Variants in CSRNP3 observed in about 807,000 individuals in gnomAD.
CSRNP3 encodes the protein cysteine/serine-rich nuclear protein 3.
Under a neutral mutation model 48.0 loss-of-function variants are expected in CSRNP3, and 12 were observed. The observed-to-expected ratio is 0.25, with a 90% confidence interval of 0.16 to 0.41. The LOEUF (loss-of-function observed/expected upper bound fraction) is 0.41, where lower values mean the gene tolerates loss of function less well. Ranked by LOEUF, CSRNP3 falls within the 10% of genes least tolerant of loss-of-function variation. The pLI is 1.00. For missense variants in CSRNP3, 580 were observed against 724.4 expected (o/e 0.80, Z 2.29); for synonymous variants, 263 against 269.7 (o/e 0.98, Z 0.24).
At chr2:165,663,077 T>C (rs1489917939) in intron 5 of CSRNP3, among the ~76,000 whole-genome samples, 1 of 152,194 alleles carries the variant, frequency 6.6e-6, no homozygotes, top group East Asian at 1.9e-4. Flanking sequence ...TGCAATATTA[T>C]AATTCTCCAC....
chr2:165,543,995 T>C (rs1444834902), intron 3 of CSRNP3, among the ~76,000 whole-genome samples: 1 of 146,292 alleles, frequency 6.8e-6, no homozygotes, highest in Non-Finnish European at 1.5e-5. Context: ...TGTTTGTATA[T>C]TTTATATATA....
chr2:165,533,076 C>G (rs1238572810), intron 3 of CSRNP3, among the ~76,000 whole-genome samples: 8 of 152,030 alleles, frequency 5.3e-5, no homozygotes, highest in Non-Finnish European at 1.0e-4. Flanking sequence ...TAAATGTGAA[C>G]ATTTCAGAAA....
chr2:165,641,997 T>C (rs180882283), intron 4 of CSRNP3, among the ~76,000 whole-genome samples: 3 of 152,244 alleles, frequency 2.0e-5, no homozygotes, highest in African/African-American at 7.2e-5. Context: ...AGAATATTTC[T>C]TGTAACAAAT....
At chr2:165,652,468 T>C (rs943587382) in intron 4 of CSRNP3, among the ~76,000 whole-genome samples, 4 of 149,234 alleles carry the variant, frequency 2.7e-5, no homozygotes, top group Non-Finnish European at 4.4e-5. Flanking sequence ...CACTGCACTC[T>C]AGCCTGGTAA....
At chr2:165,666,005 G>C (rs1187657757) in intron 5 of CSRNP3, among the ~76,000 whole-genome samples, 1 of 141,332 alleles carries the variant, frequency 7.1e-6, no homozygotes, top group African/African-American at 2.6e-5. Context: ...AGGAAGGATA[G>C]AGAGGAAGAA....
chr2:165,635,504 G>A (rs1014247770), intron 4 of CSRNP3, among the ~76,000 whole-genome samples: 3 of 152,180 alleles, frequency 2.0e-5, no homozygotes, highest in East Asian at 3.9e-4. Flanking sequence ...AGAGGTTAGC[G>A]TTTGGAGAGG....
intron 2 of CSRNP3, among the ~76,000 whole-genome samples, chr2:165,499,180 G>T (rs1328293808): frequency 6.6e-6 from 1 of 152,062 alleles, no homozygotes; most frequent in Non-Finnish European, 1.5e-5. Context: ...CATCTTCAAA[G>T]TACCATCATC....
At chr2:165,555,191 C>T (rs985492578) in intron 3 of CSRNP3, among the ~76,000 whole-genome samples, 1 of 152,112 alleles carries the variant, frequency 6.6e-6, no homozygotes, top group African/African-American at 2.4e-5. Flanking sequence ...GCACTTACCA[C>T]TATCTGATAT....
At chr2:165,574,161 C>T (rs1397288000) in intron 3 of CSRNP3, 2 of 496,016 alleles carry the variant, frequency 4.0e-6, no homozygotes, top group East Asian at 6.5e-5. Flanking sequence ...TCCACAATTC[C>T]TTACCCAGCA....
chr2:165,554,404 G>A (rs1057002071), intron 3 of CSRNP3, among the ~76,000 whole-genome samples: 4 of 152,086 alleles, frequency 2.6e-5, no homozygotes, highest in Admixed American at 6.6e-5. Context: ...TAGAGAGATA[G>A]ATAGAACTAC....
At chr2:165,666,389 GA>G (rs1218507673) in intron 5 of CSRNP3, among the ~76,000 whole-genome samples, 10 of 109,230 alleles carry the variant, frequency 9.2e-5, no homozygotes, top group Admixed American at 7.4e-4. Context: ...AAGAGAGAGA[GA>G]GAAAGGAAGG....
rs1477215044 is a variant in CSRNP3 at position 165,685,103 on chromosome 2, TTAAAA to T, written c.*5354_*5358del. On this transcript the variant is annotated 3_prime_UTR_variant, in exon 7 of 7. Transcript: ENST00000651982. The stretch of plus-strand genomic sequence containing the variant: ...TTAAAAAATTTAAACACATTTTATA[TTAAAA>T]TAAGTGATCAATGACTTTCATGATT... The T allele has an allele frequency of 9.2e-5, 14 of 152,094 alleles. No individual in the cohort carries two copies. Among genetic ancestry groups the T allele is most frequent in the African/African-American group, 3.1e-4 (13 of 41,420 alleles). 9.4% of individuals were successfully genotyped at this position (152,094 alleles called of 1,614,324 possible).
At chr2:165,613,957 G>A (rs1686183109) in intron 4 of CSRNP3, among the ~76,000 whole-genome samples, 1 of 151,848 alleles carries the variant, frequency 6.6e-6, no homozygotes, top group Admixed American at 6.6e-5. Flanking sequence ...GTGTTTGATA[G>A]AGATTGCGTA....
chr2:165,588,270 T>C (rs770022392), intron 3 of CSRNP3, among the ~76,000 whole-genome samples: 7 of 152,182 alleles, frequency 4.6e-5, no homozygotes, highest in African/African-American at 9.7e-5. Flanking sequence ...CAAATGAGGA[T>C]GAAGAGGTTA....
intron 2 of CSRNP3, among the ~76,000 whole-genome samples, chr2:165,512,962 G>A (rs999373559): frequency 2.0e-5 from 3 of 152,016 alleles, no homozygotes; most frequent in South Asian, 2.1e-4. Flanking sequence ...AATATTAGCC[G>A]GGCGTGGTGG....
At chr2:165,604,079 T>C (rs1551337) in intron 4 of CSRNP3, among the ~76,000 whole-genome samples, 76,295 of 152,034 alleles carry the variant, frequency 0.5, 19,233 homozygotes, top group Middle Eastern at 0.55. Flanking sequence ...AGTGAATGGA[T>C]ATTTATTAGG....
At chr2:165,563,260 T>C (rs1311014150) in intron 3 of CSRNP3, among the ~76,000 whole-genome samples, 4 of 152,076 alleles carry the variant, frequency 2.6e-5, no homozygotes, top group South Asian at 2.1e-4. Context: ...AGCTTAATAG[T>C]CAGACAAAAT....
Position 165,688,007 on chromosome 2 carries a change from C to A in CSRNP3, c.*8254C>A, listed in dbSNP as rs2105373669. Reference sequence around the variant, plus strand: ...CAGCCACATCAGTGTGGTTACTCCCCACAAATAACACTAGGGGGAAATGAC... The same window carrying A: ...CAGCCACATCAGTGTGGTTACTCCCAACAAATAACACTAGGGGGAAATGAC... On this transcript the variant is annotated 3_prime_UTR_variant, in exon 7 of 7. Transcript: ENST00000651982. 6.7e-6 allele frequency: 1 copy of A among 148,856 alleles called. No homozygotes were observed. 9.2% of individuals were successfully genotyped at this position (148,856 alleles called of 1,614,324 possible). A position where few individuals can be genotyped will look rare whatever the true frequency, so the allele number is the denominator to read the frequency against.
chr2:165,648,211 C>T (rs1686845772), intron 4 of CSRNP3, among the ~76,000 whole-genome samples: 2 of 151,960 alleles, frequency 1.3e-5, no homozygotes, highest in South Asian at 4.2e-4. Flanking sequence ...ATGCCTAGTT[C>T]TATAAATTTG....
Sources: gnomAD v4.1 joint callset for allele counts (sites outside exome capture counted in the v4.1 genomes callset) on GRCh38, gnomAD v4.1.1 for gene constraint, MANE v1.5 for transcripts, NCBI Gene and HGNC (gene_info 2026-07-23, HGNC 2026-07-21) for gene names.